ACKR3: variants seen among roughly 807,000 people sequenced by gnomAD.
The protein encoded by ACKR3 is C-X-C chemokine receptor type 7.
A neutral mutation model predicts 22.4 loss-of-function variants in ACKR3; 6 were observed. The ratio of observed to expected loss-of-function variants is 0.27; its 90% CI spans 0.15 to 0.53. The LOEUF is 0.53. Ranked by LOEUF, ACKR3 falls within the 20% of genes least tolerant of loss-of-function variation. ACKR3 has a pLI of 0.96. For missense variants in ACKR3, 396 were observed against 475.2 expected (o/e 0.83, Z 1.55); for synonymous variants, 209 against 205.2 (o/e 1.02, Z -0.16).
chr2:236,559,448 A>G, the ACKR3 span, among the ~76,000 whole-genome samples: 1 of 152,286 alleles, frequency 6.6e-6, no homozygotes, highest in African/African-American at 2.4e-5. Flanking sequence ...TGCCTGCCCC[A>G]GGGTAACCTC....
chr2:236,560,270 T>G, the ACKR3 span, among the ~76,000 whole-genome samples: 2 of 151,748 alleles, frequency 1.3e-5, no homozygotes, highest in Non-Finnish European at 2.9e-5. Flanking sequence ...CTGCCAACAG[T>G]GTGTAAGGGT....
chr2:236,549,330 A>G, the ACKR3 span, among the ~76,000 whole-genome samples: 1 of 152,078 alleles, frequency 6.6e-6, no homozygotes, highest in Non-Finnish European at 1.5e-5. This position sits in a 1 kb window ranked among gnomAD's most constrained non-coding sequence, Gnocchi z 5.3. Context: ...CCTTTTGTGG[A>G]AGCCTACATA....
the ACKR3 span, among the ~76,000 whole-genome samples, chr2:236,561,570 C>T: frequency 1.7e-4 from 26 of 152,028 alleles, no homozygotes; most frequent in African/African-American, 5.1e-4. Flanking sequence ...TGCAGTGGCA[C>T]GACCTCCGCC....
chr2:236,537,385 C>A, the ACKR3 span, among the ~76,000 whole-genome samples: 2 of 152,194 alleles, frequency 1.3e-5, no homozygotes, highest in Non-Finnish European at 2.9e-5. Context: ...AGGATTGTTA[C>A]CAGGGCTCCA....
At chr2:236,560,348 C>T in the ACKR3 span, among the ~76,000 whole-genome samples, 1 of 140,048 alleles carries the variant, frequency 7.1e-6, no homozygotes, top group Non-Finnish European at 1.5e-5. Context: ...AAAGGCCATC[C>T]TGATAGGTGT....
the ACKR3 span, among the ~76,000 whole-genome samples, chr2:236,549,576 C>G: frequency 6.6e-6 from 1 of 152,190 alleles, no homozygotes; most frequent in Non-Finnish European, 1.5e-5. This position sits in a 1 kb window ranked among gnomAD's most constrained non-coding sequence, Gnocchi z 5.3. Context: ...TAATTCTTAA[C>G]TAAATAATAG....
chr2:236,577,238 C>A lies in ACKR3; in HGVS notation c.-26-3202C>A, dbSNP rs1274613025. Reference sequence around the variant, plus strand: ...AGCCCTTGGGCAGCAACAGCCATGCCCTTGTTGGAAGTTTCCCACTGTGCC... The same window carrying A: ...AGCCCTTGGGCAGCAACAGCCATGCACTTGTTGGAAGTTTCCCACTGTGCC... On this transcript the variant is annotated intron_variant, in intron 1 of 1. Transcript: ENST00000272928. The surrounding 1 kb of genome is among the most constrained non-coding windows in gnomAD (Gnocchi z 5.6). 6.6e-6 allele frequency among the ~76,000 whole-genome samples: 1 copy of A among 152,200 alleles called. No individual in the cohort carries two copies. Among genetic ancestry groups the A allele is most frequent in the Non-Finnish European group, 1.5e-5 (1 of 68,046 alleles).
At chr2:236,576,373 C>T (rs536946398) in intron 1 of ACKR3, among the ~76,000 whole-genome samples, 1 of 152,310 alleles carries the variant, frequency 6.6e-6, no homozygotes, top group Non-Finnish European at 1.5e-5. Context: ...GAGGTAATCC[C>T]CTGCTTTTGC....
the ACKR3 span, among the ~76,000 whole-genome samples, chr2:236,545,549 T>A: frequency 3.1e-4 from 47 of 152,316 alleles, no homozygotes; most frequent in East Asian, 8.3e-3. This position sits in a 1 kb window ranked among gnomAD's most constrained non-coding sequence, Gnocchi z 5.3. Flanking sequence ...ATGTTCAAGG[T>A]ATGGCAAGAA....
At chr2:236,560,007 AG>A in the ACKR3 span, among the ~76,000 whole-genome samples, 5 of 152,212 alleles carry the variant, frequency 3.3e-5, no homozygotes, top group African/African-American at 1.2e-4. Flanking sequence ...AGCTATTTTT[AG>A]GTTCTTTGCA....
chr2:236,546,949 A>G, the ACKR3 span, among the ~76,000 whole-genome samples: 1 of 152,248 alleles, frequency 6.6e-6, no homozygotes, highest in African/African-American at 2.4e-5. The surrounding 1 kb of genome is among the most constrained non-coding windows in gnomAD (Gnocchi z 4.9). Flanking sequence ...CTGTAAATCA[A>G]TGCAGCATTG....
At chr2:236,551,529 T>C in the ACKR3 span, among the ~76,000 whole-genome samples, 1 of 152,154 alleles carries the variant, frequency 6.6e-6, no homozygotes, top group Non-Finnish European at 1.5e-5. Context: ...TCTCCCAGTG[T>C]GTATTGTCTC....
At chr2:236,568,924 T>A (rs1006865970), upstream of ACKR3, among the ~76,000 whole-genome samples, 18 of 152,156 alleles carry the variant, frequency 1.2e-4, no homozygotes, top group Admixed American at 7.2e-4. Context: ...GCATTGCACA[T>A]GGGATGGGCT....
rs993009367 is a variant in ACKR3, at chr2:236,574,961, G to A, written c.-27+5037G>A. Among the ~76,000 whole-genome samples, 1 of 152,188 alleles carries A rather than the reference G, an allele frequency of 6.6e-6. No individual in the cohort carries two copies. Among genetic ancestry groups the A allele is most frequent in the African/African-American group, 2.4e-5 (1 of 41,450 alleles). ...GGTGCTTGCCCACCGCCGGCCACGG[G>A]AAAGTTCTCTCCCTGTCACTGCAAC... On this transcript the variant is annotated intron_variant, in intron 1 of 1. Coordinates refer to ENST00000272928, the MANE Select transcript of ACKR3 (RefSeq NM_020311.3). The surrounding 1 kb of genome is among the most constrained non-coding windows in gnomAD (Gnocchi z 5.6).
chr2:236,562,187 C>T, the ACKR3 span, among the ~76,000 whole-genome samples: 1 of 152,092 alleles, frequency 6.6e-6, no homozygotes, highest in Non-Finnish European at 1.5e-5. Flanking sequence ...TTTTAGTGCA[C>T]GTGAAGTTGT....
chr2:236,554,681 G>A, the ACKR3 span, among the ~76,000 whole-genome samples: 11 of 152,222 alleles, frequency 7.2e-5, no homozygotes, highest in South Asian at 4.1e-4. Flanking sequence ...GTGCAGGGAA[G>A]GGTCTGGCTG....
upstream of ACKR3, among the ~76,000 whole-genome samples, chr2:236,567,580 G>A (rs891398427): frequency 2.6e-5 from 4 of 152,154 alleles, no homozygotes; most frequent in Non-Finnish European, 4.4e-5. Context: ...CTGTTTTCTG[G>A]GACAGGGTGG....
At chr2:236,570,078 G>A (rs1292615178) in intron 1 of ACKR3, among the ~76,000 whole-genome samples, 154 bp downstream of exon 1, 1 of 152,214 alleles carries the variant, frequency 6.6e-6, no homozygotes, top group Non-Finnish European at 1.5e-5. Flanking sequence ...CAGGCTGCAC[G>A]CAGCTGCATT....
At chr2:236,571,455 T>TA (rs1454915326) in intron 1 of ACKR3, among the ~76,000 whole-genome samples, 3 of 152,048 alleles carry the variant, frequency 2.0e-5, no homozygotes, top group African/African-American at 7.2e-5. Context: ...GACGTAGTTT[T>TA]AAAAAAGTTC....
Sources: allele counts gnomAD v4.1 joint callset (sites outside exome capture counted in the v4.1 genomes callset), GRCh38; gene constraint gnomAD v4.1.1; non-coding constraint Gnocchi (gnomAD v3.1); transcripts MANE v1.5; gene names NCBI Gene and HGNC (gene_info 2026-07-23, HGNC 2026-07-21).